SHC3: variants seen among roughly 807,000 people sequenced by gnomAD.
The protein encoded by SHC3 is SHC-transforming protein 3.
Under a neutral mutation model 60.4 loss-of-function variants are expected in SHC3, and 15 were observed. The ratio of observed to expected loss-of-function variants is 0.25; its 90% CI spans 0.17 to 0.38. The LOEUF is 0.38. Among genes scored for constraint, SHC3 ranks in the 10% least tolerant of loss-of-function variants. The pLI is 1.00. For synonymous variants in SHC3, 294 were observed against 325.9 expected (o/e 0.90, Z 1.05); for missense variants, 677 against 786.1 (o/e 0.86, Z 1.66).
At chr9:89,153,299 T>C (rs1477271298) in intron 1 of SHC3, among the ~76,000 whole-genome samples, 1 of 152,172 alleles carries the variant, frequency 6.6e-6, no homozygotes, top group Non-Finnish European at 1.5e-5. Context: ...CCCCCCAGAA[T>C]AACTTGGTAT....
At chr9:89,037,961 C>G in intron 11 of SHC3, 32 bp downstream of exon 11, 1 of 1,596,494 alleles carries the variant, frequency 6.3e-7, no homozygotes, top group Non-Finnish European at 8.5e-7. Context: ...CACCCACTGG[C>G]AGGTCCGGCC....
intron 2 of SHC3, among the ~76,000 whole-genome samples, chr9:89,112,040 A>G (rs910450352): frequency 6.6e-6 from 1 of 152,202 alleles, no homozygotes; most frequent in East Asian, 1.9e-4. Flanking sequence ...TTTTGATTCT[A>G]CTTGGTGGTG....
chr9:89,141,225 C>T (rs1233054940), intron 1 of SHC3, among the ~76,000 whole-genome samples: 5 of 152,184 alleles, frequency 3.3e-5, no homozygotes, highest in East Asian at 1.9e-4. Context: ...AGTACTGCCA[C>T]GTATTTACAA....
rs377750917 is a variant in SHC3 at position 89,162,438 on chromosome 9, G to A, written c.474+15549C>T. 4.7e-3 allele frequency among the ~76,000 whole-genome samples: 712 copies of A among 151,202 alleles called. 1 individual carries two copies. Among genetic ancestry groups the A allele is most frequent in the African/African-American group, 0.015 (609 of 41,252 alleles). On this transcript the variant is annotated intron_variant, in intron 1 of 11. Transcript: ENST00000375835. ...GAACAGAGCCCTCAGAAATAATGCC[G>A]CATATCTACAACTATCTGATCTTTG...
chr9:89,084,038 T>G (rs1825488467), intron 2 of SHC3, among the ~76,000 whole-genome samples: 1 of 152,064 alleles, frequency 6.6e-6, no homozygotes, highest in Non-Finnish European at 1.5e-5. Flanking sequence ...AAACTGAGAG[T>G]CAGAAATCAT....
intron 1 of SHC3, among the ~76,000 whole-genome samples, chr9:89,169,709 G>A (rs535461444): frequency 6.6e-6 from 1 of 152,166 alleles, no homozygotes; most frequent in South Asian, 2.1e-4. Flanking sequence ...GCGGGGGTGG[G>A]GTGCAGATGG....
At chr9:89,065,247 C>T (rs920815766) in intron 6 of SHC3, among the ~76,000 whole-genome samples, 55 of 152,082 alleles carry the variant, frequency 3.6e-4, no homozygotes, top group African/African-American at 1.3e-3. Flanking sequence ...CAGGAGTAAC[C>T]GAGGCCACTG....
rs1383999515 is a variant in SHC3, at chr9:89,065,594, AAG to A, written c.784-16_784-15del. ...GTCAGTTGTGTCCTGTTAAAGAAAA[AAG>A]AGATGTCTATGTCACTAATCACAAG... On this transcript the variant is annotated splice_polypyrimidine_tract_variant and intron_variant, in intron 5 of 11. Transcript: ENST00000375835. 5.6e-6 allele frequency: 9 copies of A among 1,613,936 alleles called. No individual in the cohort carries two copies. Among genetic ancestry groups the A allele is most frequent in the Non-Finnish European group, 3.4e-6 (4 of 1,179,934 alleles).
chr9:89,047,246 T>G (rs1824789912), intron 7 of SHC3, among the ~76,000 whole-genome samples: 2 of 152,186 alleles, frequency 1.3e-5, no homozygotes, highest in African/African-American at 2.4e-5. Flanking sequence ...ACATTTTAAT[T>G]AAAAAAGAAA....
rs538597604 is a variant in SHC3 at position 89,178,320 on chromosome 9, C to G, written c.141G>C (p.Leu47Phe). Residue 47 changes from leucine to phenylalanine, a missense_variant, in exon 1 of 12, where the codon TTG becomes TTC. Transcript: ENST00000375835. The surrounding 1 kb of genome is among the most constrained non-coding windows in gnomAD (Gnocchi z 6.9). ...ARATPAAAPY[L>F]VSGEALRKAP... ...CCTTGCGCAGCGCCTCGCCGGACAC[C>G]AAGTAGGGAGCCGCCGCCGGGGTCG... The G allele has an allele frequency of 1.4e-5, 23 of 1,593,682 alleles. No individual in the cohort carries two copies. In the East Asian group the frequency reaches 4.4e-4, roughly 31 times the overall value.
rs1221387629 is a variant in SHC3 at position 89,010,379 on chromosome 9, G to C, written c.*3068C>G. ...AATCAAAGCTGACTTAAACCACAATGAGCACCCCCATGAGAGGCCCAGCCG... is the reference window on the plus strand; with the variant it reads ...AATCAAAGCTGACTTAAACCACAATCAGCACCCCCATGAGAGGCCCAGCCG... On this transcript the variant is annotated 3_prime_UTR_variant, in exon 12 of 12. Transcript: ENST00000375835. 2.6e-5 allele frequency: 4 copies of C among 152,226 alleles called. No homozygotes were observed. 9.4% of individuals were successfully genotyped at this position (152,226 alleles called of 1,614,324 possible).
At chr9:89,137,905 C>T (rs1826340881) in intron 1 of SHC3, among the ~76,000 whole-genome samples, 1 of 152,172 alleles carries the variant, frequency 6.6e-6, no homozygotes, top group South Asian at 2.1e-4. Flanking sequence ...GCCCATAGTA[C>T]AAAGACAAAG....
chr9:89,049,291 C>T (rs7043103), intron 7 of SHC3, among the ~76,000 whole-genome samples: 32,301 of 150,344 alleles, frequency 0.21, 5,530 homozygotes, highest in African/African-American at 0.47. Flanking sequence ...CAAAACAAAA[C>T]AAAACCAGAA....
chr9:89,076,637 C>T (rs1309516297), intron 3 of SHC3, among the ~76,000 whole-genome samples: 4 of 152,006 alleles, frequency 2.6e-5, no homozygotes, highest in Non-Finnish European at 5.9e-5. Flanking sequence ...GAACATGCAG[C>T]CTGTGGAGCC....
chr9:89,110,510 G>A, intron 2 of SHC3: 1 of 952,144 alleles, frequency 1.1e-6, no homozygotes, highest in Non-Finnish European at 1.3e-6. Context: ...AAGCTCCACA[G>A]TGTGCTACAT....
At chr9:89,075,016 A>C in intron 4 of SHC3, 93 bp downstream of exon 4, 1 of 1,499,182 alleles carries the variant, frequency 6.7e-7, no homozygotes, top group Non-Finnish European at 8.9e-7. Context: ...AAAATATGCT[A>C]TGTGAGCTCA....
intron 11 of SHC3, among the ~76,000 whole-genome samples, chr9:89,037,092 C>T (rs1824594519): frequency 6.6e-6 from 1 of 152,016 alleles, no homozygotes; most frequent in South Asian, 2.1e-4. Context: ...TCTGCAGAGA[C>T]AGAAAGGGGA....
At chr9:89,037,877 C>A (rs778562085) in intron 11 of SHC3, 116 bp downstream of exon 11, 72 of 1,335,394 alleles carry the variant, frequency 5.4e-5, no homozygotes, top group Middle Eastern at 2.7e-4. Flanking sequence ...CTGGAGGACT[C>A]AGTAGGCACT....
intron 2 of SHC3, among the ~76,000 whole-genome samples, chr9:89,095,986 G>T (rs1190148521): frequency 6.6e-6 from 1 of 152,044 alleles, no homozygotes; most frequent in Non-Finnish European, 1.5e-5. Flanking sequence ...CCTGTCCTCC[G>T]CAGCTATTAA....
Sources: allele counts gnomAD v4.1 joint callset (sites outside exome capture counted in the v4.1 genomes callset), GRCh38; gene constraint gnomAD v4.1.1; non-coding constraint Gnocchi (gnomAD v3.1); transcripts MANE v1.5; gene names NCBI Gene and HGNC (gene_info 2026-07-23, HGNC 2026-07-21).